ARID2: variants seen among roughly 807,000 people sequenced by gnomAD.
ARID2 encodes the protein AT-rich interaction domain 2, also known as AT-rich interactive domain-containing protein 2.
In ARID2, 32 loss-of-function variants were observed where a neutral mutation model predicts 184.6. That is an observed-to-expected ratio of 0.17 (90% CI 0.13 to 0.23). The LOEUF is 0.23. Among genes scored for constraint, ARID2 ranks in the 10% least tolerant of loss-of-function variants. The pLI, the probability that ARID2 is intolerant of heterozygous loss-of-function variation, is 1.00. For synonymous variants in ARID2, 836 were observed against 772.6 expected (o/e 1.08, Z -1.36); for missense variants, 1,696 against 2,197.6 (o/e 0.77, Z 4.56).
chr12:45,842,513 C>G (rs996507172), intron 11 of ARID2, among the ~76,000 whole-genome samples: 16 of 152,054 alleles, frequency 1.1e-4, no homozygotes, highest in African/African-American at 3.9e-4. Context: ...AATCCCAGCA[C>G]TTTGGGAGGC....
intron 6 of ARID2, among the ~76,000 whole-genome samples, chr12:45,830,837 T>C (rs1943105882): frequency 6.6e-6 from 1 of 151,930 alleles, no homozygotes; most frequent in African/African-American, 2.4e-5. Flanking sequence ...GGGCAGATCA[T>C]TTGAGGTCAG....
At chr12:45,864,096 A>G (rs962219971) in intron 16 of ARID2, among the ~76,000 whole-genome samples, 1 of 152,010 alleles carries the variant, frequency 6.6e-6, no homozygotes, top group Non-Finnish European at 1.5e-5. Context: ...AACTCAAGTG[A>G]TCTGCCCACC....
At chr12:45,754,996 G>T (rs1405559358) in intron 3 of ARID2, among the ~76,000 whole-genome samples, 1 of 152,174 alleles carries the variant, frequency 6.6e-6, no homozygotes, top group African/African-American at 2.4e-5. Flanking sequence ...ACAATAAAAA[G>T]GAAGATGGGG....
chr12:45,762,000 A>G (rs930369398), intron 3 of ARID2, among the ~76,000 whole-genome samples: 7 of 152,158 alleles, frequency 4.6e-5, no homozygotes, highest in African/African-American at 1.4e-4. Flanking sequence ...TCTTCATTGC[A>G]ATAATTATAT....
intron 3 of ARID2, among the ~76,000 whole-genome samples, chr12:45,808,249 T>C (rs1202934912): frequency 3.3e-5 from 5 of 152,316 alleles, no homozygotes; most frequent in Non-Finnish European, 5.9e-5. Context: ...CTGTGTTCTC[T>C]GGTTTGTTAA....
At chr12:45,865,100 C>T (rs1489047440) in intron 16 of ARID2, among the ~76,000 whole-genome samples, 4 of 152,104 alleles carry the variant, frequency 2.6e-5, no homozygotes, top group African/African-American at 9.7e-5. Flanking sequence ...GTGGATTTCC[C>T]AGGTCCTTTG....
chr12:45,901,153 A>G (rs547956608), intron 20 of ARID2, among the ~76,000 whole-genome samples: 1 of 38,948 alleles, frequency 2.6e-5, no homozygotes, highest in African/African-American at 1.1e-4. Context: ...AAATTTCCTT[A>G]ATTTTTTTTT....
At chr12:45,783,972 T>C (rs1942144961) in intron 3 of ARID2, among the ~76,000 whole-genome samples, 1 of 152,110 alleles carries the variant, frequency 6.6e-6, no homozygotes, top group Non-Finnish European at 1.5e-5. Flanking sequence ...TCCAAAAATA[T>C]AAATATGCAA....
Position 45,811,424 on chromosome 12 carries a change from A to G in ARID2, c.291A>G (p.Leu97=), listed in dbSNP as rs770544852. 1.1e-5 allele frequency: 17 copies of G among 1,610,734 alleles called. No homozygotes were observed. The highest frequency in any genetic ancestry group is 1.6e-4 in the Middle Eastern group (1 of 6,072). ...TGCTGTTTTTCTGTTTCAGTTACCT[A>G]GAAAAGTACGAGAAAGTTCATCATT... is the stretch of plus-strand genomic sequence containing the variant. ...FALKQYYLRY[L]EKYEKVHHFG... The change falls in exon 4 of 21, where the codon CTA becomes CTG. Residue 97 remains leucine, a synonymous_variant. Transcript: ENST00000334344.
In ARID2 at chr12:45,907,705, TTGTTA is replaced by T. The variant is rs1944548116; in HGVS notation, c.*2629_*2633del. On this transcript the variant is annotated 3_prime_UTR_variant, in exon 21 of 21. Transcript: ENST00000334344. ...GACAGAAACTTGCTGATTTACAGTA[TTGTTA>T]TTTTTGTCTAAAGTTCTGTAAATAC... The T allele has an allele frequency of 4.3e-6, 1 of 233,032 alleles. No individual in the cohort carries two copies. The highest frequency in any genetic ancestry group is 1.8e-4 in the South Asian group (1 of 5,534). 14.4% of individuals were successfully genotyped at this position (233,032 alleles called of 1,614,324 possible).
chr12:45,886,981 G>C, intron 16 of ARID2, among the ~76,000 whole-genome samples: 1 of 152,290 alleles, frequency 6.6e-6, no homozygotes, highest in South Asian at 2.1e-4. Context: ...TTAACATTCA[G>C]CTCCTTGTTA....
At chr12:45,827,152 A>T (rs2138108252) in intron 6 of ARID2, among the ~76,000 whole-genome samples, 1 of 152,102 alleles carries the variant, frequency 6.6e-6, no homozygotes, top group African/African-American at 2.4e-5. Context: ...CAAGTCAAAG[A>T]GTATACTAGA....
chr12:45,816,296 C>T (rs1399113604), intron 4 of ARID2, among the ~76,000 whole-genome samples: 7 of 152,050 alleles, frequency 4.6e-5, no homozygotes, highest in Non-Finnish European at 1.0e-4. Context: ...ACTCAGACTT[C>T]ATCAAAATTA....
intron 3 of ARID2, among the ~76,000 whole-genome samples, chr12:45,806,636 T>C (rs188483979): frequency 6.6e-6 from 1 of 152,326 alleles, no homozygotes; most frequent in East Asian, 1.9e-4. Flanking sequence ...AAATTTACTC[T>C]TTAATGCTCT....
chr12:45,797,052 C>T (rs1356384837), intron 3 of ARID2, among the ~76,000 whole-genome samples: 1 of 151,964 alleles, frequency 6.6e-6, no homozygotes, highest in Non-Finnish European at 1.5e-5. Context: ...TCAAATATTA[C>T]TTTGTTTTAA....
chr12:45,737,803 A>C (rs1374178792), intron 3 of ARID2, among the ~76,000 whole-genome samples: 1 of 152,170 alleles, frequency 6.6e-6, no homozygotes, highest in South Asian at 2.1e-4. Flanking sequence ...TCAGGGTTAC[A>C]TCCAGAACAA....
intron 16 of ARID2, among the ~76,000 whole-genome samples, chr12:45,880,050 T>C (rs970785804): frequency 9.2e-5 from 14 of 152,166 alleles, no homozygotes; most frequent in Admixed American, 8.5e-4. Context: ...CCTTTAAACA[T>C]AGGAGTTTTG....
chr12:45,882,855 T>G (rs1944126428), intron 16 of ARID2, among the ~76,000 whole-genome samples: 1 of 152,244 alleles, frequency 6.6e-6, no homozygotes, highest in African/African-American at 2.4e-5. Flanking sequence ...ATTAGCACAA[T>G]GCCTTGCACA....
intron 3 of ARID2, among the ~76,000 whole-genome samples, chr12:45,747,419 G>A (rs1592051825): frequency 1.3e-5 from 2 of 152,038 alleles, no homozygotes; most frequent in Non-Finnish European, 2.9e-5. Flanking sequence ...TTAGTTTTGT[G>A]AGTTATAGTG....
Sources: gnomAD v4.1 joint callset for allele counts (sites outside exome capture counted in the v4.1 genomes callset) on GRCh38, gnomAD v4.1.1 for gene constraint, MANE v1.5 for transcripts, NCBI Gene and HGNC (gene_info 2026-07-23, HGNC 2026-07-21) for gene names.